Variants in PDZD2 observed in about 807,000 individuals in gnomAD.
PDZD2 encodes PDZ domain-containing protein 2.
Under a neutral mutation model 220.7 loss-of-function variants are expected in PDZD2, and 90 were observed. That is an observed-to-expected ratio of 0.41 (90% CI 0.34 to 0.49). The LOEUF (loss-of-function observed/expected upper bound fraction) is 0.49. Among genes scored for constraint, PDZD2 ranks in the 20% least tolerant of loss-of-function variants. The probability of loss-of-function intolerance (pLI) is 0.28; values close to 1 mark genes in which losing one functional copy is unlikely to be tolerated. For synonymous variants in PDZD2, 1,375 were observed against 1,450.5 expected (o/e 0.95, Z 1.18); for missense variants, 3,174 against 3,608.5 (o/e 0.88, Z 3.08).
At chr5:31,823,216 C>G (rs532594375) in intron 2 of PDZD2, 1 of 357,552 alleles carries the variant, frequency 2.8e-6, no homozygotes, top group South Asian at 2.3e-5. Context: ...CCTGTAATCC[C>G]AGCACTTTGG....
chr5:31,998,618 G>A (rs1193927609), intron 4 of PDZD2, among the ~76,000 whole-genome samples: 1 of 152,230 alleles, frequency 6.6e-6, no homozygotes, highest in Non-Finnish European at 1.5e-5. Flanking sequence ...AGGTGCTGAT[G>A]TGAACCTTTA....
Position 32,087,978 on chromosome 5 carries a change from C to A in PDZD2, c.4530C>A (p.Asp1510Glu), listed in dbSNP as rs752699560. The A allele has an allele frequency of 8.7e-6, 14 of 1,614,070 alleles. No homozygotes were observed. The highest frequency in any genetic ancestry group is 1.2e-5 in the Non-Finnish European group (14 of 1,180,018). The change falls in exon 20 of 25, where the codon GAC becomes GAA. Residue 1510 changes from aspartate to glutamate, a missense_variant. Physicochemically the swap from Asp to Glu is conservative, Grantham distance 45. Coordinates refer to ENST00000438447, the MANE Select transcript of PDZD2 (RefSeq NM_178140.4). This position sits in a 1 kb window ranked among gnomAD's most constrained non-coding sequence, Gnocchi z 4.0. The part of the protein sequence containing the change: ...QPSVLDSINP[D>E]KHFTVNKNFL... Reference sequence around the variant, plus strand: ...CGGTTTTAGATTCAATTAATCCCGACAAACATTTTACTGTGAACAAAAACT... The same window carrying A: ...CGGTTTTAGATTCAATTAATCCCGAAAAACATTTTACTGTGAACAAAAACT...
chr5:31,849,969 T>C lies in PDZD2; in HGVS notation c.476+50245T>C, dbSNP rs1280488625. ...ATATACATATATATATATACACATA[T>C]ATATATATACATATATATATATACA... is the stretch of plus-strand genomic sequence containing the variant. On this transcript the variant is annotated intron_variant, in intron 2 of 24. Coordinates refer to ENST00000438447, the MANE Select transcript of PDZD2 (RefSeq NM_178140.4). Among the ~76,000 whole-genome samples the C allele has an allele frequency of 9.2e-4, 30 of 32,670 alleles. 6 individuals are homozygous for C. Among genetic ancestry groups the C allele is most frequent in the African/African-American group, 6.6e-3 (27 of 4,096 alleles). 21.4% of individuals were successfully genotyped at this position (32,670 alleles called of 152,430 possible).
intron 1 of PDZD2, among the ~76,000 whole-genome samples, chr5:31,786,834 T>C (rs1388650441): frequency 6.6e-6 from 1 of 152,244 alleles, no homozygotes; most frequent in Non-Finnish European, 1.5e-5. Flanking sequence ...TGAATCATTG[T>C]TAATTAATGA....
chr5:32,049,677 G>A (rs974099266), intron 8 of PDZD2, among the ~76,000 whole-genome samples: 33 of 152,190 alleles, frequency 2.2e-4, no homozygotes, highest in African/African-American at 8.0e-4. Flanking sequence ...TATTTCTGTT[G>A]CTTCCGATGC....
At chr5:31,990,548 A>G (rs1323371742) in intron 3 of PDZD2, among the ~76,000 whole-genome samples, 4 of 152,262 alleles carry the variant, frequency 2.6e-5, no homozygotes, top group African/African-American at 7.2e-5. Context: ...GGTTCACACA[A>G]TGAACACTGG....
intron 2 of PDZD2, among the ~76,000 whole-genome samples, chr5:31,930,189 A>T (rs13182568): frequency 7.2e-6 from 1 of 139,184 alleles, no homozygotes; most frequent in Non-Finnish European, 1.5e-5. Flanking sequence ...ACCCAGTCTC[A>T]GGTATTCTTT....
intron 21 of PDZD2, among the ~76,000 whole-genome samples, chr5:32,095,739 C>CTTTTTTTTTTTTTTTTTTTTTTTTTT (rs965532717): frequency 7.6e-6 from 1 of 130,836 alleles, no homozygotes. Flanking sequence ...TTTCCTTCTC[C>CTTTTTTTTTTTTTTTTTTTTTTTTTT]TTTTTTTTTT....
chr5:31,763,455 C>T (rs1366813375), intron 1 of PDZD2, among the ~76,000 whole-genome samples: 1 of 152,114 alleles, frequency 6.6e-6, no homozygotes, highest in Non-Finnish European at 1.5e-5. Flanking sequence ...AAATAACCAC[C>T]TACCGCAAGG....
intron 7 of PDZD2, among the ~76,000 whole-genome samples, chr5:32,045,391 A>G (rs9292455): frequency 0.053 from 7,918 of 150,726 alleles, 258 homozygotes; most frequent in African/African-American, 0.088. Flanking sequence ...CTTTCAGTTT[A>G]TCTATGTTAA....
chr5:32,003,398 A>C (rs1752528333), intron 5 of PDZD2, among the ~76,000 whole-genome samples: 1 of 90,272 alleles, frequency 1.1e-5, no homozygotes, highest in Non-Finnish European at 2.1e-5. Flanking sequence ...CACACACCAC[A>C]CACACACTCC....
chr5:31,931,247 G>A (rs1303207585), intron 2 of PDZD2, among the ~76,000 whole-genome samples: 2 of 149,552 alleles, frequency 1.3e-5, no homozygotes, highest in Non-Finnish European at 3.0e-5. Context: ...GGTTTCGAAC[G>A]CCTGACATCA....
intron 2 of PDZD2, among the ~76,000 whole-genome samples, chr5:31,926,082 C>T (rs1744728765): frequency 6.6e-6 from 1 of 151,978 alleles, no homozygotes; most frequent in Non-Finnish European, 1.5e-5. Flanking sequence ...ATTAGCCAGG[C>T]ATAGTGGCAT....
rs182006834 is a variant in PDZD2 at position 32,008,110 on chromosome 5, C to T, written c.1255-2220C>T. 1.2e-3 allele frequency among the ~76,000 whole-genome samples: 173 copies of T among 150,364 alleles called. 1 individual carries two copies. Among genetic ancestry groups the T allele is most frequent in the African/African-American group, 4.1e-3 (167 of 40,928 alleles). On this transcript the variant is annotated intron_variant, in intron 5 of 24. Transcript: ENST00000438447. ...TTCGAGACCAGCCTGGTCAACATAGCGAGACCCCATCTCTATAAAATAATA... is the reference window on the plus strand; with the variant it reads ...TTCGAGACCAGCCTGGTCAACATAGTGAGACCCCATCTCTATAAAATAATA...
intron 2 of PDZD2, among the ~76,000 whole-genome samples, chr5:31,963,058 AG>A (rs1218990830): frequency 6.6e-5 from 10 of 152,090 alleles, no homozygotes; most frequent in African/African-American, 2.4e-4. Context: ...GTGAGTTCCT[AG>A]TACTCTAAAA....
At chr5:32,091,239 T>C (rs1743125845) in intron 20 of PDZD2, 64 bp downstream of exon 20, 29 of 1,328,086 alleles carry the variant, frequency 2.2e-5, no homozygotes, top group Middle Eastern at 2.1e-4. Flanking sequence ...AGTTTTAGAT[T>C]TATAGAAAAG....
chr5:31,654,780 T>G (rs1561365488), intron 1 of PDZD2, among the ~76,000 whole-genome samples: 1 of 152,180 alleles, frequency 6.6e-6, no homozygotes, highest in Non-Finnish European at 1.5e-5. Context: ...CTCCTCATAG[T>G]CTATTCTCAA....
intron 2 of PDZD2, chr5:31,908,554 G>A: frequency 2.0e-6 from 2 of 993,732 alleles, no homozygotes; most frequent in Non-Finnish European, 3.1e-6. Context: ...CACAGTAATG[G>A]CTGGTGTTGA....
At chr5:31,756,590 C>T (rs1751320240) in intron 1 of PDZD2, among the ~76,000 whole-genome samples, 1 of 152,124 alleles carries the variant, frequency 6.6e-6, no homozygotes, top group African/African-American at 2.4e-5. Context: ...ATACTCAGAG[C>T]AGAAAGAGAA....
Sources: allele counts gnomAD v4.1 joint callset (sites outside exome capture counted in the v4.1 genomes callset), GRCh38; gene constraint gnomAD v4.1.1; non-coding constraint Gnocchi (gnomAD v3.1); transcripts MANE v1.5; gene names NCBI Gene and HGNC (gene_info 2026-07-23, HGNC 2026-07-21).